The following TANGO2 variants were observed in gnomAD, a reference collection of about 807,000 sequenced individuals.
The protein encoded by TANGO2 is transport and Golgi organization protein 2 homolog.
A neutral mutation model predicts 39.1 loss-of-function variants in TANGO2; 26 were observed. That is an observed-to-expected ratio of 0.67 (90% CI 0.49 to 0.92). The LOEUF (loss-of-function observed/expected upper bound fraction) is 0.92, where lower values mean the gene tolerates loss of function less well. Ranked by LOEUF, TANGO2 falls within the 40% of genes least tolerant of loss-of-function variation. The probability of loss-of-function intolerance (pLI) is 0.00; values close to 1 mark genes in which losing one functional copy is unlikely to be tolerated. For synonymous variants in TANGO2, 131 were observed against 144.5 expected (o/e 0.91, Z 0.67); for missense variants, 326 against 360.1 (o/e 0.91, Z 0.77).
In TANGO2 at chr22:20,064,810, A is replaced by G. The variant is rs1250563181; in HGVS notation, c.*148A>G. The G allele has an allele frequency of 2.0e-6, 2 of 1,019,206 alleles. No homozygotes were observed. Among genetic ancestry groups the G allele is most frequent in the African/African-American group, 1.6e-5 (1 of 61,630 alleles). 63.1% of individuals were successfully genotyped at this position (1,019,206 alleles called of 1,614,324 possible). Reference sequence around the variant, plus strand: ...ATCAGGGCCCTGTGGTTTGCGTGTTACCCATCTGTGTCCCCATGCCCAGTT... The same window carrying G: ...ATCAGGGCCCTGTGGTTTGCGTGTTGCCCATCTGTGTCCCCATGCCCAGTT... On this transcript the variant is annotated 3_prime_UTR_variant, in exon 9 of 9. Transcript: ENST00000327374.
chr22:20,050,669 T>C (rs2046163251), intron 3 of TANGO2, among the ~76,000 whole-genome samples: 1 of 151,256 alleles, frequency 6.6e-6, no homozygotes, highest in African/African-American at 2.4e-5. Flanking sequence ...GCTTTTTTTT[T>C]TTTTTTTAAT....
intron 1 of TANGO2, among the ~76,000 whole-genome samples, chr22:20,035,564 C>T (rs2531710): frequency 0.029 from 4,483 of 152,334 alleles, 107 homozygotes; most frequent in South Asian, 0.079. Context: ...CCAGAGGTCC[C>T]TGGGTGGGGA....
At chr22:20,061,476 G>C in intron 6 of TANGO2, 54 bp from the exon 7 acceptor site, 2 of 1,533,764 alleles carry the variant, frequency 1.3e-6, no homozygotes, top group Non-Finnish European at 1.8e-6. Context: ...GTGGCAATTT[G>C]CCCTGACATG....
At chr22:20,032,284 G>A (rs376141241) in intron 1 of TANGO2, among the ~76,000 whole-genome samples, 1 of 152,290 alleles carries the variant, frequency 6.6e-6, no homozygotes, top group East Asian at 1.9e-4. Context: ...GAGAGGATGG[G>A]CGTGTGGCCA....
At position 20,052,551 on chromosome 22, in the gene TANGO2, C is replaced by A. The variant is rs1209231453; in HGVS notation, c.232C>A (p.Gln78Lys). The change falls in exon 4 of 9, where the codon CAG becomes AAG. Residue 78 changes from glutamine (Q) to lysine (K), a missense_variant. Physicochemically the swap from Gln to Lys is moderately conservative, Grantham distance 53. Coordinates refer to ENST00000327374, the MANE Select transcript of TANGO2 (RefSeq NM_152906.7). The part of the protein sequence containing the change: ...GKLAALTNYL[Q>K]PQLDWQARGR... ...GCTGGCAGCACTCACCAACTACCTG[C>A]AGCCGCAGCTGGACTGGCAGGCCCG... The A allele has an allele frequency of 6.3e-7, 1 of 1,596,538 alleles. No individual in the cohort carries two copies.
intron 4 of TANGO2, among the ~76,000 whole-genome samples, chr22:20,053,130 C>CCGAGACGA (rs1158669705): frequency 6.6e-6 from 1 of 152,106 alleles, no homozygotes; most frequent in African/African-American, 2.4e-5. Flanking sequence ...GATGCCTTCC[C>CCGAGACGA]CGAGACGACA....
At chr22:20,033,233 T>C (rs1395725919) in intron 1 of TANGO2, 3 of 528,542 alleles carry the variant, frequency 5.7e-6, no homozygotes, top group Admixed American at 3.9e-5. Context: ...GACCGCGTCT[T>C]CGTCGAGGCC....
At chr22:20,063,952 A>G (rs905702007) in intron 8 of TANGO2, among the ~76,000 whole-genome samples, 4 of 152,228 alleles carry the variant, frequency 2.6e-5, no homozygotes, top group African/African-American at 9.6e-5. Context: ...TGCACTGCGT[A>G]TGTGTCTGCC....
At chr22:20,050,496 T>G (rs1272668545) in intron 3 of TANGO2, among the ~76,000 whole-genome samples, 2 of 150,576 alleles carry the variant, frequency 1.3e-5, no homozygotes, top group African/African-American at 4.9e-5. Flanking sequence ...CCCGAGTAGC[T>G]GGAACTACAG....
chr22:20,052,424 A>T, intron 3 of TANGO2, 41 bp from the exon 4 acceptor site: 2 of 1,568,394 alleles, frequency 1.3e-6, no homozygotes, highest in Non-Finnish European at 1.7e-6. Flanking sequence ...GGGGACTGGA[A>T]TGGGTGGCAT....
chr22:20,056,143 T>C, intron 6 of TANGO2, 130 bp downstream of exon 6: 1 of 796,364 alleles, frequency 1.3e-6, no homozygotes, highest in East Asian at 2.6e-5. Context: ...TTAAGTGCCT[T>C]ATGGTCTGTG....
chr22:20,046,549 C>A (rs1432479809), intron 3 of TANGO2, among the ~76,000 whole-genome samples: 3 of 151,152 alleles, frequency 2.0e-5, no homozygotes, highest in African/African-American at 7.3e-5. Flanking sequence ...ACTGCAACCT[C>A]CACCTCCCAG....
intron 1 of TANGO2, among the ~76,000 whole-genome samples, chr22:20,035,604 A>G (rs2042696541): frequency 6.6e-6 from 1 of 152,172 alleles, no homozygotes; most frequent in African/African-American, 2.4e-5. Context: ...GCAGTCACCC[A>G]GCGTGTCCCC....
chr22:20,035,261 G>A (rs1459612412), intron 1 of TANGO2, among the ~76,000 whole-genome samples: 1 of 152,236 alleles, frequency 6.6e-6, no homozygotes, highest in African/African-American at 2.4e-5. Context: ...GGTCCCCAAT[G>A]GCCATCCCTA....
rs968438274 is a variant in TANGO2, at chr22:20,065,906, T to C, written c.*1244T>C. Reference sequence around the variant, plus strand: ...GAATGTGAGCTCCTGATAATAAAACTCTGAGGCTTTGGTGAGCGCATTTCG... The same window carrying C: ...GAATGTGAGCTCCTGATAATAAAACCCTGAGGCTTTGGTGAGCGCATTTCG... On this transcript the variant is annotated 3_prime_UTR_variant, in exon 9 of 9. Transcript: ENST00000327374. 1 of 152,320 alleles carries C rather than the reference T, an allele frequency of 6.6e-6. No individual in the cohort carries two copies. The highest frequency in any genetic ancestry group is 2.4e-5 in the African/African-American group (1 of 41,430). The allele number at this position is 152,320 out of a possible 1,614,324, so 9.4% of individuals were successfully genotyped here.
chr22:20,028,918 C>T (rs909458486), intron 1 of TANGO2, among the ~76,000 whole-genome samples: 1 of 152,172 alleles, frequency 6.6e-6, no homozygotes, highest in African/African-American at 2.4e-5. Flanking sequence ...CTGTGGTGGG[C>T]ACTGAGAGCC....
In TANGO2 at chr22:20,045,499, C is replaced by CT. The variant is rs695487; in HGVS notation, c.145+2077dup. On this transcript the variant is annotated intron_variant, in intron 3 of 8. Transcript: ENST00000327374. ...ATTCATAAAAATTTGGCCATCACTT[C>CT]TTTTTTTTTTTTTTTTTTTTTGAGA... Among the ~76,000 whole-genome samples the CT allele has an allele frequency of 9.8e-3, 1,097 of 112,480 alleles. 16 individuals are homozygous for CT. Among genetic ancestry groups the CT allele is most frequent in the African/African-American group, 0.018 (498 of 28,234 alleles). 73.8% of individuals were successfully genotyped at this position (112,480 alleles called of 152,430 possible). A position where few individuals can be genotyped will look rare whatever the true frequency, so the allele number is the denominator to read the frequency against.
chr22:20,027,202 G>A (rs190733463), intron 1 of TANGO2, among the ~76,000 whole-genome samples: 80 of 152,316 alleles, frequency 5.3e-4, no homozygotes, highest in African/African-American at 1.9e-3. Context: ...TCACTGTACA[G>A]CACCGGGGGG....
intron 7 of TANGO2, 30 bp downstream of exon 7, chr22:20,061,713 C>T: frequency 2.6e-6 from 4 of 1,520,412 alleles, no homozygotes; most frequent in Non-Finnish European, 2.7e-6. Context: ...TGGGGTGAGC[C>T]CCAGTGTCCC....
Sources: allele counts gnomAD v4.1 joint callset (sites outside exome capture counted in the v4.1 genomes callset), GRCh38; gene constraint gnomAD v4.1.1; transcripts MANE v1.5; gene names NCBI Gene and HGNC (gene_info 2026-07-23, HGNC 2026-07-21).